Variants in TSGA13 observed in about 807,000 individuals in gnomAD.
TSGA13 encodes the protein testis-specific gene 13 protein.
TSGA13 carries 37 observed loss-of-function variants against 35.1 expected under a neutral mutation model. The ratio of observed to expected loss-of-function variants is 1.05; its 90% CI spans 0.81 to 1.39. The LOEUF (loss-of-function observed/expected upper bound fraction) is 1.39, where lower values mean the gene tolerates loss of function less well. TSGA13 is among the 40% of genes most tolerant of loss of function. The pLI is 0.00. For missense variants in TSGA13, 338 were observed against 328.5 expected, an observed-to-expected ratio of 1.03 and a Z score of -0.22; for synonymous variants, 124 against 121.2, an observed-to-expected ratio of 1.02 and a Z score of -0.15.
intron 7 of TSGA13, among the ~76,000 whole-genome samples, chr7:130,669,678 C>T (rs1230694696): frequency 3.3e-5 from 5 of 152,224 alleles, no homozygotes; most frequent in African/African-American, 1.2e-4. Context: ...AGATTACATT[C>T]TACATCCTAG....
chr7:130,676,877 C>T (rs1796423234), intron 5 of TSGA13, among the ~76,000 whole-genome samples: 1 of 151,960 alleles, frequency 6.6e-6, no homozygotes, highest in Admixed American at 6.6e-5. Context: ...GCTATCATGA[C>T]CTTTTTTAGA....
Position 130,685,257 on chromosome 7 carries a change from G to C in TSGA13, c.-47C>G, listed in dbSNP as rs1796635993. 1 of 1,610,686 alleles carries C rather than the reference G, an allele frequency of 6.2e-7. No homozygotes were observed. Among genetic ancestry groups the C allele is most frequent in the Non-Finnish European group, 8.5e-7 (1 of 1,177,178 alleles). Reference sequence around the variant, plus strand: ...CAACCCAAGGCAGGTATTCACCCAAGGCCAAATTCAGGTCTCTAAATAGTC... The same window carrying C: ...CAACCCAAGGCAGGTATTCACCCAACGCCAAATTCAGGTCTCTAAATAGTC... On this transcript the variant is annotated 5_prime_UTR_variant, in exon 2 of 8. Transcript: ENST00000356588.
chr7:130,672,587 T>G, intron 6 of TSGA13, 147 bp downstream of exon 6: 6 of 953,492 alleles, frequency 6.3e-6, no homozygotes, highest in Non-Finnish European at 8.7e-6. Context: ...CATGTGTCAA[T>G]GAGGTTAGGG....
At position 130,679,075 on chromosome 7, in the gene TSGA13, T is replaced by C; in HGVS notation, c.387+80A>G. On this transcript the variant is annotated intron_variant, in intron 5 of 7. Transcript: ENST00000356588. The stretch of plus-strand genomic sequence containing the variant: ...GAGGTTTTCTGAGTACTATTCTCCA[T>C]GTTAAGTTAACTTCCTTCTCAATGC... The C allele has an allele frequency of 3.4e-6, 4 of 1,167,664 alleles. No homozygotes were observed. The South Asian group carries it at 4.1e-5, about 12-fold the overall frequency. The allele number at this position is 1,167,664 out of a possible 1,614,324, so 72.3% of individuals were successfully genotyped here.
chr7:130,671,018 C>G (rs1230244927), intron 7 of TSGA13, among the ~76,000 whole-genome samples: 3 of 152,132 alleles, frequency 2.0e-5, no homozygotes, highest in Non-Finnish European at 4.4e-5. Flanking sequence ...CCTTGAAATA[C>G]TGTTAAATAA....
At chr7:130,681,487 C>A (rs1554465085) in intron 3 of TSGA13, among the ~76,000 whole-genome samples, 1 of 152,134 alleles carries the variant, frequency 6.6e-6, no homozygotes, top group African/African-American at 2.4e-5. Context: ...GCCCTAGGGT[C>A]AACTCTGCCA....
Position 130,685,251 on chromosome 7 carries a change from AC to A in TSGA13, c.-42del. ...GTTGGCCAACCCAAGGCAGGTATTC[AC>A]CCAAGGCCAAATTCAGGTCTCTAAA... On this transcript the variant is annotated 5_prime_UTR_variant, in exon 2 of 8. Coordinates refer to ENST00000356588, the MANE Select transcript of TSGA13 (RefSeq NM_052933.4). 6.2e-7 allele frequency: 1 copy of A among 1,611,260 alleles called. No homozygotes were observed.
intron 3 of TSGA13, 108 bp from the exon 4 acceptor site, chr7:130,681,125 CTAAG>C: frequency 1.1e-6 from 1 of 899,132 alleles, no homozygotes; most frequent in Non-Finnish European, 1.8e-6. Flanking sequence ...CTAACTTACA[CTAAG>C]TAAGTTAGAG....
At chr7:130,678,733 A>C (rs782655427) in intron 5 of TSGA13, among the ~76,000 whole-genome samples, 6 of 152,076 alleles carry the variant, frequency 3.9e-5, no homozygotes, top group Non-Finnish European at 5.9e-5. Context: ...ATAAGAAGGA[A>C]GAGATAGACC....
rs1359799318 is a variant in TSGA13, at chr7:130,681,023, G to A, written c.103-6C>T. 1.2e-6 allele frequency: 2 copies of A among 1,613,950 alleles called. No individual in the cohort carries two copies. The highest frequency in any genetic ancestry group is 1.7e-6 in the Non-Finnish European group (2 of 1,179,906). On this transcript the variant is annotated splice_region_variant and splice_polypyrimidine_tract_variant and intron_variant, in intron 3 of 7. Transcript: ENST00000356588. ...TGCCCGACTGCATCAGAAATCTAAA[G>A]AGGATAATCAAAGTTAGTGGTTTGA...
chr7:130,668,890 C>T lies in TSGA13; in HGVS notation c.*124G>A, dbSNP rs966217373. 17 of 1,436,118 alleles carry T rather than the reference C, an allele frequency of 1.2e-5. No homozygotes were observed. The highest frequency in any genetic ancestry group is 1.6e-5 in the Non-Finnish European group (17 of 1,069,114). 89.0% of individuals were successfully genotyped at this position (1,436,118 alleles called of 1,614,324 possible). A position where few individuals can be genotyped will look rare whatever the true frequency, so the allele number is the denominator to read the frequency against. On this transcript the variant is annotated 3_prime_UTR_variant, in exon 8 of 8. Transcript: ENST00000356588. ...GGCCCGCCGGAGACTTCGGCTCGAC[C>T]CTCCCGGCTTGCGACCCGGGAGCCC...
chr7:130,682,630 G>A (rs1330621705), intron 3 of TSGA13, among the ~76,000 whole-genome samples: 1 of 152,172 alleles, frequency 6.6e-6, no homozygotes, highest in African/African-American at 2.4e-5. Context: ...ACAGAGGAAA[G>A]GGAACGTGCA....
chr7:130,669,998 C>T (rs576457542), intron 7 of TSGA13, among the ~76,000 whole-genome samples: 1 of 152,154 alleles, frequency 6.6e-6, no homozygotes, highest in South Asian at 2.1e-4. Context: ...CAGAGGTTCT[C>T]AAGGTGGGTA....
At chr7:130,679,023 T>C in intron 5 of TSGA13, 132 bp downstream of exon 5, 1 of 750,396 alleles carries the variant, frequency 1.3e-6, no homozygotes, top group Non-Finnish European at 2.2e-6. Flanking sequence ...TGAGACCCTA[T>C]CTCAAACAAA....
In TSGA13 at chr7:130,669,159, C is replaced by T. The variant is rs1796184651; in HGVS notation, c.683G>A (p.Arg228Lys). The change falls in exon 8 of 8, where the codon AGG becomes AAG. Residue 228 changes from arginine to lysine, a missense_variant. Transcript: ENST00000356588. ...TTCCCGAATCACTTTGGAAATTGGCCTTTCACTCGCTGACTTCTTGGAAGC... is the reference window on the plus strand; with the variant it reads ...TTCCCGAATCACTTTGGAAATTGGCTTTTCACTCGCTGACTTCTTGGAAGC... ...KDASKKSASE[R>K]PISKVIREPL... 5.6e-6 allele frequency: 9 copies of T among 1,614,088 alleles called. No homozygotes were observed. The highest frequency in any genetic ancestry group is 3.3e-5 in the Admixed American group (2 of 60,006).
At position 130,668,753 on chromosome 7, in the gene TSGA13, G is replaced by T; in HGVS notation, c.*261C>A. ...AGCGGAAGAGGCTGCAGGAAGGCCG[G>T]CCCCGCGCTCTCACGCCGGTTGGGC... On this transcript the variant is annotated 3_prime_UTR_variant, in exon 8 of 8. Transcript: ENST00000356588. The T allele has an allele frequency of 6.9e-7, 1 of 1,452,842 alleles. No individual in the cohort carries two copies. Among genetic ancestry groups the T allele is most frequent in the Non-Finnish European group, 9.2e-7 (1 of 1,087,284 alleles). The allele number at this position is 1,452,842 out of a possible 1,614,324, so 90.0% of individuals were successfully genotyped here. A position where few individuals can be genotyped will look rare whatever the true frequency, so the allele number is the denominator to read the frequency against.
At chr7:130,681,271 G>A (rs560592728) in intron 3 of TSGA13, among the ~76,000 whole-genome samples, 1 of 152,304 alleles carries the variant, frequency 6.6e-6, no homozygotes, top group South Asian at 2.1e-4. Flanking sequence ...CTTATGAAAT[G>A]TCAGGGAAAG....
At position 130,668,847 on chromosome 7, in the gene TSGA13, G is replaced by A. The variant is rs1554462248; in HGVS notation, c.*167C>T. On this transcript the variant is annotated 3_prime_UTR_variant, in exon 8 of 8. Coordinates refer to ENST00000356588, the MANE Select transcript of TSGA13 (RefSeq NM_052933.4). ...CCCTCGGCCCCCGGGACGCAGCCAC[G>A]CCCCCTTCTCCTCTTGCGGCCCGCC... The A allele has an allele frequency of 3.1e-6, 4 of 1,303,134 alleles. No individual in the cohort carries two copies. The highest frequency in any genetic ancestry group is 1.5e-5 in the South Asian group (1 of 65,408). 80.7% of individuals were successfully genotyped at this position (1,303,134 alleles called of 1,614,324 possible).
chr7:130,671,586 T>C, intron 7 of TSGA13, 75 bp downstream of exon 7: 1 of 1,412,710 alleles, frequency 7.1e-7, no homozygotes, highest in Non-Finnish European at 9.4e-7. Context: ...TTGCCACATC[T>C]ATAATCCTCA....
Sources: allele counts gnomAD v4.1 joint callset (sites outside exome capture counted in the v4.1 genomes callset), GRCh38; gene constraint gnomAD v4.1.1; transcripts MANE v1.5; gene names NCBI Gene and HGNC (gene_info 2026-07-23, HGNC 2026-07-21).